The following NAV2 variants were observed in gnomAD, a reference collection of about 807,000 sequenced individuals.
NAV2 encodes helicase, APC down-regulated 1.
In NAV2, 54 loss-of-function variants were observed where a neutral mutation model predicts 223.2. The observed-to-expected ratio is 0.24, with a 90% CI of 0.19 to 0.30. The LOEUF is 0.30. Ranked by LOEUF, NAV2 falls within the 10% of genes least tolerant of loss-of-function variation. NAV2 has a pLI of 1.00. For missense variants in NAV2, 2,806 were observed against 3,147.5 expected (o/e 0.89, Z 2.60); for synonymous variants, 1,279 against 1,239.3 (o/e 1.03, Z -0.67).
At chr11:19,649,340 C>T (rs2047901890) in intron 1 of NAV2, among the ~76,000 whole-genome samples, 1 of 152,168 alleles carries the variant, frequency 6.6e-6, no homozygotes, top group African/African-American at 2.4e-5. Flanking sequence ...TCCTGTGTTT[C>T]AAATGACCTC....
chr11:19,349,908 A>G (rs764216810), upstream of NAV2, among the ~76,000 whole-genome samples: 1 of 152,054 alleles, frequency 6.6e-6, no homozygotes, highest in Non-Finnish European at 1.5e-5. Flanking sequence ...CTCCATAGGC[A>G]GTTGCTTTTC....
intron 1 of NAV2, among the ~76,000 whole-genome samples, chr11:19,732,398 A>T (rs1441398785): frequency 2.0e-5 from 3 of 152,216 alleles, no homozygotes; most frequent in Non-Finnish European, 1.5e-5. Flanking sequence ...CCTCACAGGC[A>T]TGGTTAAAAG....
intron 22 of NAV2, among the ~76,000 whole-genome samples, chr11:20,074,925 A>G (rs918181306): frequency 2.3e-4 from 35 of 151,972 alleles, no homozygotes; most frequent in African/African-American, 7.7e-4. Flanking sequence ...TGATTGGGGC[A>G]TTTAGCCTGT....
At chr11:19,960,678 A>G (rs1244860214) in intron 10 of NAV2, among the ~76,000 whole-genome samples, 1 of 151,776 alleles carries the variant, frequency 6.6e-6, no homozygotes. Context: ...CAGTGGCACA[A>G]TCTCAGCTCA....
chr11:19,942,518 T>C (rs367762049), intron 8 of NAV2, among the ~76,000 whole-genome samples: 116 of 152,346 alleles, frequency 7.6e-4, no homozygotes, highest in African/African-American at 2.7e-3. Flanking sequence ...AAGTGGCTAA[T>C]AAGCAGCATT....
At chr11:19,486,114 G>A (rs2042436665) in intron 1 of NAV2, among the ~76,000 whole-genome samples, 1 of 152,098 alleles carries the variant, frequency 6.6e-6, no homozygotes, top group Non-Finnish European at 1.5e-5. Context: ...CTGAAAACAG[G>A]TGCAAAACAC....
chr11:19,427,245 A>G (rs1850867442), intron 1 of NAV2, among the ~76,000 whole-genome samples: 1 of 152,230 alleles, frequency 6.6e-6, no homozygotes. Flanking sequence ...GAGGATGGCA[A>G]TACTCTCACA....
At chr11:19,603,311 G>A (rs2046396617) in intron 1 of NAV2, among the ~76,000 whole-genome samples, 2 of 152,168 alleles carry the variant, frequency 1.3e-5, no homozygotes, top group African/African-American at 2.4e-5. Context: ...TATGTGCCAG[G>A]CATGTTTCTA....
chr11:19,927,636 G>A (rs186509674), intron 6 of NAV2, among the ~76,000 whole-genome samples: 73 of 152,098 alleles, frequency 4.8e-4, no homozygotes, highest in African/African-American at 1.4e-3. Context: ...GCAGTGAGCC[G>A]AGATTGCACC....
intron 1 of NAV2, among the ~76,000 whole-genome samples, chr11:19,781,707 C>T (rs1221322292): frequency 6.6e-6 from 1 of 151,670 alleles, no homozygotes; most frequent in Non-Finnish European, 1.5e-5. Flanking sequence ...GTGGGCCCTG[C>T]AGAACTCCTG....
chr11:20,038,984 T>C (rs1020146071), intron 12 of NAV2, among the ~76,000 whole-genome samples: 3 of 152,198 alleles, frequency 2.0e-5, no homozygotes, highest in Admixed American at 6.5e-5. Flanking sequence ...CTGGGGACAT[T>C]GAGGAGCAAC....
At chr11:19,549,588 A>G (rs1275927997) in intron 1 of NAV2, among the ~76,000 whole-genome samples, 1 of 152,208 alleles carries the variant, frequency 6.6e-6, no homozygotes, top group Non-Finnish European at 1.5e-5. Context: ...TGGCAAATGG[A>G]CAGCTAATGG....
At chr11:19,745,851 G>C (rs1056371658) in intron 1 of NAV2, among the ~76,000 whole-genome samples, 1 of 152,134 alleles carries the variant, frequency 6.6e-6, no homozygotes, top group Non-Finnish European at 1.5e-5. Context: ...ACCTCCTGCT[G>C]TGCAGCCCAG....
rs553384766 is a variant in NAV2, at chr11:19,715,304, C to T, written c.267+1342C>T. ...GTGTGTGGGAGGAAGGCAAGATTTC[C>T]TCCAGTGCTCCGGGGGCCTGCCTCT... On this transcript the variant is annotated intron_variant, in intron 1 of 37. Coordinates refer to ENST00000349880, the MANE Select transcript of NAV2 (RefSeq NM_145117.5). Among the ~76,000 whole-genome samples, 959 of 152,286 alleles carry T rather than the reference C, an allele frequency of 6.3e-3. 10 individuals are homozygous for T. The highest frequency in any genetic ancestry group is 9.9e-3 in the Non-Finnish European group (674 of 68,034).
chr11:19,506,712 A>G (rs1339054750), intron 1 of NAV2: 2 of 152,240 alleles, frequency 1.3e-5, no homozygotes, highest in Non-Finnish European at 2.9e-5. Context: ...CTCTTGAGCT[A>G]GAGTGTGGGG....
chr11:19,483,313 C>T (rs1345565447), intron 1 of NAV2, among the ~76,000 whole-genome samples: 1 of 152,224 alleles, frequency 6.6e-6, no homozygotes, highest in Non-Finnish European at 1.5e-5. Context: ...ATGAATCCTC[C>T]ATTTTCCCAG....
intron 1 of NAV2, among the ~76,000 whole-genome samples, chr11:19,728,992 G>T (rs549708161): frequency 6.6e-6 from 1 of 152,302 alleles, no homozygotes; most frequent in African/African-American, 2.4e-5. Flanking sequence ...AAACTTCAAT[G>T]TACTCAGGAT....
intron 3 of NAV2, among the ~76,000 whole-genome samples, chr11:19,845,777 C>T (rs1263947049): frequency 6.6e-6 from 1 of 152,202 alleles, no homozygotes; most frequent in Non-Finnish European, 1.5e-5. Flanking sequence ...TAAAAGCAGA[C>T]ATTTGTGGAA....
chr11:19,819,364 G>C (rs1162024175), intron 1 of NAV2, among the ~76,000 whole-genome samples: 6 of 152,162 alleles, frequency 3.9e-5, no homozygotes, highest in Non-Finnish European at 8.8e-5. Context: ...CTAGGTGGTG[G>C]GGGAAGGGCA....
Sources: allele counts gnomAD v4.1 joint callset (sites outside exome capture counted in the v4.1 genomes callset), GRCh38; gene constraint gnomAD v4.1.1; transcripts MANE v1.5; gene names NCBI Gene and HGNC (gene_info 2026-07-23, HGNC 2026-07-21).